Variants in LRBA observed in about 807,000 individuals in gnomAD.
LRBA encodes the protein lipopolysaccharide-responsive and beige-like anchor protein.
Under a neutral mutation model 330.0 loss-of-function variants are expected in LRBA, and 176 were observed. The observed-to-expected ratio is 0.53, with a 90% CI of 0.47 to 0.60. The LOEUF (loss-of-function observed/expected upper bound fraction) is 0.60, where lower values mean the gene tolerates loss of function less well. LRBA is among the 20% of genes least tolerant of loss of function. The pLI is 0.00. For synonymous variants in LRBA, 1,230 were observed against 1,193.0 expected, an observed-to-expected ratio of 1.03 and a Z score of -0.64; for missense variants, 3,259 against 3,444.8, an observed-to-expected ratio of 0.95 and a Z score of 1.35.
intron 42 of LRBA, among the ~76,000 whole-genome samples, chr4:150,480,510 A>C (rs1014485733): frequency 2.0e-5 from 3 of 152,026 alleles, no homozygotes; most frequent in Admixed American, 6.6e-5. Context: ...AACGATGAAA[A>C]GTTTCAGATT....
chr4:150,343,791 GA>G (rs747190105), intron 48 of LRBA, among the ~76,000 whole-genome samples: 27 of 152,044 alleles, frequency 1.8e-4, no homozygotes, highest in Non-Finnish European at 3.1e-4. Context: ...TCCTGATGTT[GA>G]AAACACAGAA....
intron 40 of LRBA, chr4:150,580,860 T>A (rs1771225732): frequency 6.5e-6 from 1 of 152,842 alleles, no homozygotes; most frequent in African/African-American, 2.4e-5. Flanking sequence ...GCCATCTGTG[T>A]AATCAATAAC....
chr4:150,373,352 GTCCATATTT>G (rs1412429941), intron 47 of LRBA, among the ~76,000 whole-genome samples: 1 of 151,940 alleles, frequency 6.6e-6, no homozygotes, highest in Admixed American at 6.6e-5. Flanking sequence ...ACAACTCCTG[GTCCATATTT>G]TTCTCAGACC....
chr4:150,485,313 C>T (rs904195123), intron 42 of LRBA, among the ~76,000 whole-genome samples: 1 of 151,816 alleles, frequency 6.6e-6, no homozygotes, highest in Non-Finnish European at 1.5e-5. Flanking sequence ...AGATCATCAC[C>T]TTGATGAACT....
At chr4:150,565,968 C>T (rs551378556) in intron 40 of LRBA, among the ~76,000 whole-genome samples, 2 of 151,838 alleles carry the variant, frequency 1.3e-5, no homozygotes, top group Non-Finnish European at 2.9e-5. Flanking sequence ...TGGCTCACAC[C>T]TGTAATCCCA....
rs188423227 is a variant in LRBA at position 150,895,022 on chromosome 4, C to T, written c.2067+1372G>A. ...TTAACAAAGAGATCCAATCATTATC[C>T]CTCATTTAAAAATTAAAGAAGGCAC... On this transcript the variant is annotated intron_variant, in intron 16 of 56. Coordinates refer to ENST00000651943, the MANE Select transcript of LRBA (RefSeq NM_001364905.1). 5.2e-3 allele frequency among the ~76,000 whole-genome samples: 787 copies of T among 151,934 alleles called. 2 individuals carry two copies. The highest frequency in any genetic ancestry group is 8.5e-3 in the Non-Finnish European group (577 of 67,910).
At chr4:150,495,220 T>C (rs1759448357) in intron 40 of LRBA, among the ~76,000 whole-genome samples, 3 of 152,166 alleles carry the variant, frequency 2.0e-5, no homozygotes, top group South Asian at 2.1e-4. Context: ...TTATCATCTA[T>C]ATGTAAGTTT....
At chr4:150,506,691 C>CA (rs752198980) in intron 40 of LRBA, among the ~76,000 whole-genome samples, 2 of 152,348 alleles carry the variant, frequency 1.3e-5, no homozygotes, top group Admixed American at 1.3e-4. Flanking sequence ...CCTCTCTCAC[C>CA]ACTCTTATTC....
chr4:150,988,578 A>G (rs1741708247), intron 2 of LRBA, among the ~76,000 whole-genome samples: 1 of 152,074 alleles, frequency 6.6e-6, no homozygotes, highest in African/African-American at 2.4e-5. Context: ...GAGAAACAGA[A>G]TATCAAATTT....
rs1167770331 is a variant in LRBA at position 150,808,308 on chromosome 4, T to A, written c.5384+12A>T. The stretch of plus-strand genomic sequence containing the variant: ...GTATAAATCACAATATTCAAGTTAG[T>A]AGCTTAAATACCTCATATTTGAAAC... On this transcript the variant is annotated intron_variant, in intron 32 of 56. Transcript: ENST00000651943. The A allele has an allele frequency of 3.2e-6, 5 of 1,587,252 alleles. No homozygotes were observed. The highest frequency in any genetic ancestry group is 4.3e-6 in the Non-Finnish European group (5 of 1,158,420).
At chr4:150,698,763 C>G (rs965949440) in intron 36 of LRBA, among the ~76,000 whole-genome samples, 3 of 152,090 alleles carry the variant, frequency 2.0e-5, no homozygotes, top group African/African-American at 7.2e-5. Flanking sequence ...ATGTATATAC[C>G]TGTCCTTTAT....
At chr4:150,386,562 C>CCAGTTTG (rs1461826790) in intron 47 of LRBA, among the ~76,000 whole-genome samples, 2 of 151,986 alleles carry the variant, frequency 1.3e-5, no homozygotes, top group African/African-American at 2.4e-5. Context: ...ATAATGGCCT[C>CCAGTTTG]CAGCTCCACC....
chr4:150,792,092 G>A (rs1463778698), intron 34 of LRBA, among the ~76,000 whole-genome samples: 2 of 139,248 alleles, frequency 1.4e-5, no homozygotes, highest in African/African-American at 5.4e-5. Context: ...GCAACTCATA[G>A]TCAAAATTTC....
intron 51 of LRBA, chr4:150,314,842 TAA>T (rs1731509607): frequency 6.6e-6 from 1 of 152,160 alleles, no homozygotes; most frequent in African/African-American, 2.4e-5. Context: ...TTAAATATTC[TAA>T]GTCATCTGCT....
At chr4:150,952,479 C>T (rs1561049203) in intron 2 of LRBA, among the ~76,000 whole-genome samples, 1 of 152,024 alleles carries the variant, frequency 6.6e-6, no homozygotes, top group Non-Finnish European at 1.5e-5. Flanking sequence ...TTTAAATGAG[C>T]ATATACTGCT....
At position 150,916,516 on chromosome 4, in the gene LRBA, C is replaced by G; in HGVS notation, c.779G>C (p.Ser260Thr). 1 of 1,613,160 alleles carries G rather than the reference C, an allele frequency of 6.2e-7. No homozygotes were observed. The highest frequency in any genetic ancestry group is 8.5e-7 in the Non-Finnish European group (1 of 1,179,758). The change falls in exon 7 of 57, where the codon AGC becomes ACC. Residue 260 changes from serine to threonine, a missense_variant. By Grantham distance (58) the Ser-to-Thr change is moderately conservative. Transcript: ENST00000651943. ...DKPYLYCFRT[S>T]KGLGYSAHFV... ...ATGAGCAGAATAGCCAAGACCTTTG[C>G]TGGTTCTGAAACTATAAAGAATAGT...
intron 2 of LRBA, among the ~76,000 whole-genome samples, chr4:150,953,416 C>T (rs1185089455): frequency 2.8e-5 from 4 of 144,730 alleles, no homozygotes; most frequent in Admixed American, 6.9e-5. Context: ...TGATGCCGAG[C>T]CAAGGCTGGA....
chr4:150,939,625 GGTTT>G (rs1315072955), intron 2 of LRBA, among the ~76,000 whole-genome samples: 9 of 152,058 alleles, frequency 5.9e-5, no homozygotes, highest in Non-Finnish European at 1.2e-4. Context: ...CATCTCCCAA[GGTTT>G]ATTTTTGATG....
At chr4:150,617,739 C>G (rs892566366) in intron 37 of LRBA, among the ~76,000 whole-genome samples, 12 of 152,156 alleles carry the variant, frequency 7.9e-5, no homozygotes, top group African/African-American at 2.9e-4. Context: ...ATATAGGCTA[C>G]GCATCAATTT....
Sources: allele counts gnomAD v4.1 joint callset (sites outside exome capture counted in the v4.1 genomes callset), GRCh38; gene constraint gnomAD v4.1.1; transcripts MANE v1.5; gene names NCBI Gene and HGNC (gene_info 2026-07-23, HGNC 2026-07-21).